The following ACER2 variants were observed in gnomAD, a reference collection of about 807,000 sequenced individuals.
The protein encoded by ACER2 is alkaline ceramidase 2.
In ACER2, 26 loss-of-function variants were observed where a neutral mutation model predicts 34.7. The observed-to-expected ratio is 0.75, with a 90% CI of 0.55 to 1.04. The LOEUF is 1.04. Ranked by LOEUF, ACER2 falls within the 50% of genes least tolerant of loss-of-function variation. ACER2 has a pLI of 0.00. For synonymous variants in ACER2, 138 were observed against 132.1 expected (o/e 1.04, Z -0.31); for missense variants, 352 against 340.8 (o/e 1.03, Z -0.26).
chr9:19,431,152 T>A (rs188960987), intron 3 of ACER2, among the ~76,000 whole-genome samples: 19 of 152,240 alleles, frequency 1.2e-4, no homozygotes, highest in Non-Finnish European at 2.5e-4. Context: ...AAAGTGGTAT[T>A]TATATTTAAA....
At chr9:19,409,824 C>A in intron 1 of ACER2, 1 of 985,336 alleles carries the variant, frequency 1.0e-6, no homozygotes, top group Non-Finnish European at 1.2e-6. Context: ...ACTGTGCTTT[C>A]TCCAGTTCTG....
Position 19,444,523 on chromosome 9 carries a change from A to G in ACER2, c.504-1758A>G, listed in dbSNP as rs1337979700. On this transcript the variant is annotated intron_variant, in intron 4 of 5. Transcript: ENST00000340967. ...ACCGCGCCCGGCATAAAATCTCATAATGTTTTAAGAAAGTTTACAAATTTG... is the reference window on the plus strand; with the variant it reads ...ACCGCGCCCGGCATAAAATCTCATAGTGTTTTAAGAAAGTTTACAAATTTG... 2.0e-5 allele frequency among the ~76,000 whole-genome samples: 3 copies of G among 152,166 alleles called. No homozygotes were observed. In the East Asian group the frequency reaches 5.8e-4, roughly 29 times the overall value.
chr9:19,412,016 G>A (rs551296634), intron 1 of ACER2, among the ~76,000 whole-genome samples: 1 of 152,264 alleles, frequency 6.6e-6, no homozygotes, highest in Middle Eastern at 3.4e-3. Context: ...TCAGAACTTG[G>A]TCCATTTGAC....
At chr9:19,439,770 A>G (rs1831088756) in intron 4 of ACER2, among the ~76,000 whole-genome samples, 1 of 152,190 alleles carries the variant, frequency 6.6e-6, no homozygotes, top group African/African-American at 2.4e-5. Context: ...GTTCAAGACT[A>G]GCCTGGCCAA....
chr9:19,448,028 A>G (rs1433881124), intron 5 of ACER2, among the ~76,000 whole-genome samples: 1 of 33,700 alleles, frequency 3.0e-5, no homozygotes, highest in African/African-American at 8.7e-5. Context: ...TTTTTTTGAG[A>G]CAAAGTCTCA....
chr9:19,412,837 C>T (rs964333921), intron 1 of ACER2, among the ~76,000 whole-genome samples: 5 of 152,066 alleles, frequency 3.3e-5, no homozygotes, highest in African/African-American at 1.2e-4. Context: ...ATACAGTACT[C>T]CCTTTAATGG....
intron 1 of ACER2, among the ~76,000 whole-genome samples, chr9:19,423,085 G>C (rs544399647): frequency 2.7e-5 from 4 of 150,612 alleles, no homozygotes; most frequent in African/African-American, 9.8e-5. Context: ...CATGTACCTA[G>C]TCCCAGCTAC....
intron 4 of ACER2, among the ~76,000 whole-genome samples, chr9:19,445,667 A>G (rs573329371): frequency 3.9e-5 from 6 of 152,344 alleles, no homozygotes; most frequent in African/African-American, 1.4e-4. Context: ...AACAGCACAA[A>G]TCCTGCAGTG....
intron 3 of ACER2, among the ~76,000 whole-genome samples, chr9:19,426,643 A>G (rs1294847923): frequency 6.6e-6 from 1 of 152,170 alleles, no homozygotes; most frequent in Non-Finnish European, 1.5e-5. Context: ...TTTTTAATGT[A>G]TTCCTTATAG....
At position 19,440,737 on chromosome 9, in the gene ACER2, T is replaced by C. The variant is rs1379905560; in HGVS notation, c.504-5544T>C. 4.6e-5 allele frequency among the ~76,000 whole-genome samples: 7 copies of C among 152,230 alleles called. 1 individual carries two copies. The highest frequency in any genetic ancestry group is 4.6e-4 in the Admixed American group (7 of 15,280). On this transcript the variant is annotated intron_variant, in intron 4 of 5. Coordinates refer to ENST00000340967, the MANE Select transcript of ACER2 (RefSeq NM_001010887.3). ...CCCCCTGAAAGATCTCCTCTACTTC[T>C]GTGGCTTTAATTCCTCTACATATGT...
rs553519559 is a variant in ACER2 at position 19,431,069 on chromosome 9, C to G, written c.366-3878C>G. Among the ~76,000 whole-genome samples, 335 of 152,126 alleles carry G rather than the reference C, an allele frequency of 2.2e-3. 1 individual carries two copies. The highest frequency in any genetic ancestry group is 3.7e-3 in the Non-Finnish European group (249 of 67,990). ...AACCATTTGGCAGTACTCTGTGGAG[C>G]CTTTGGTGATTGCAACAGCAGCTCA... On this transcript the variant is annotated intron_variant, in intron 3 of 5. Coordinates refer to ENST00000340967, the MANE Select transcript of ACER2 (RefSeq NM_001010887.3).
intron 3 of ACER2, among the ~76,000 whole-genome samples, chr9:19,434,351 C>T (rs1329664350): frequency 6.6e-6 from 1 of 152,140 alleles, no homozygotes; most frequent in Non-Finnish European, 1.5e-5. Flanking sequence ...CAGAGACGCT[C>T]CTCACTTCCC....
chr9:19,422,865 C>T (rs974354821), intron 1 of ACER2, among the ~76,000 whole-genome samples: 2 of 151,484 alleles, frequency 1.3e-5, no homozygotes, highest in Admixed American at 6.6e-5. Context: ...AACCCCGTCT[C>T]TACTAAAAAT....
At chr9:19,427,308 T>G (rs1830600702) in intron 3 of ACER2, among the ~76,000 whole-genome samples, 1 of 152,238 alleles carries the variant, frequency 6.6e-6, no homozygotes, top group African/African-American at 2.4e-5. Context: ...TCGATGGAGA[T>G]AATGTACATT....
Position 19,446,322 on chromosome 9 carries a change from G to T in ACER2, c.545G>T (p.Gly182Val). 1.2e-6 allele frequency: 2 copies of T among 1,614,190 alleles called. No individual in the cohort carries two copies. Among genetic ancestry groups the T allele is most frequent in the Non-Finnish European group, 1.7e-6 (2 of 1,180,048 alleles). ...GTGTTTAAGCTGGGCCTCTTCTCGG[G>T]CCTCTGGTGGACCCTGGCCCTGTTC... ...MRVFKLGLFS[G>V]LWWTLALFCW... The change falls in exon 5 of 6, where the codon GGC becomes GTC. Residue 182 changes from glycine (G) to valine (V), a missense_variant. Physicochemically the swap from Gly to Val is moderately radical, Grantham distance 109. Transcript: ENST00000340967.
intron 4 of ACER2, among the ~76,000 whole-genome samples, chr9:19,443,121 C>T (rs1449162825): frequency 6.6e-6 from 1 of 152,232 alleles, no homozygotes; most frequent in Non-Finnish European, 1.5e-5. Flanking sequence ...AGCTCCGCCT[C>T]CCGGGTTCGC....
intron 5 of ACER2, among the ~76,000 whole-genome samples, chr9:19,449,016 G>A (rs1831473496): frequency 6.6e-6 from 1 of 152,174 alleles, no homozygotes; most frequent in Non-Finnish European, 1.5e-5. Context: ...TGTAGTCCCA[G>A]CTATTTGGGA....
chr9:19,436,373 A>G (rs1202945302), intron 4 of ACER2, among the ~76,000 whole-genome samples: 13 of 152,336 alleles, frequency 8.5e-5, no homozygotes, highest in Admixed American at 8.5e-4. Flanking sequence ...AGACAAGCAA[A>G]AAAGAAATCT....
intron 1 of ACER2, among the ~76,000 whole-genome samples, chr9:19,422,557 G>A (rs1830437688): frequency 6.6e-6 from 1 of 152,142 alleles, no homozygotes; most frequent in Non-Finnish European, 1.5e-5. Flanking sequence ...GGATGGGAAA[G>A]CTGACAAAGG....
Sources: gnomAD v4.1 joint callset for allele counts (sites outside exome capture counted in the v4.1 genomes callset) on GRCh38, gnomAD v4.1.1 for gene constraint, MANE v1.5 for transcripts, NCBI Gene and HGNC (gene_info 2026-07-23, HGNC 2026-07-21) for gene names.